RGS5: variants seen among roughly 807,000 people sequenced by gnomAD.
RGS5 encodes regulator of G-protein signalling 5.
RGS5 carries 20 observed loss-of-function variants against 18.9 expected under a neutral mutation model. That is an observed-to-expected ratio of 1.06 (90% CI 0.74 to 1.54). RGS5 has a LOEUF of 1.54. Among genes scored for constraint, RGS5 ranks in the 40% most tolerant of loss-of-function variants. RGS5 has a pLI of 0.00. For synonymous variants in RGS5, 57 were observed against 76.2 expected (o/e 0.75, Z 1.31); for missense variants, 201 against 211.8 (o/e 0.95, Z 0.32).
chr1:163,292,112 C>T (rs1485970849), intron 2 of RGS5, among the ~76,000 whole-genome samples: 1 of 152,086 alleles, frequency 6.6e-6, no homozygotes, highest in African/African-American at 2.4e-5. Flanking sequence ...ATCATCCCAT[C>T]ACCCAGGTAT....
At chr1:163,186,589 AAAAAAAAAG>A (rs2102422402) in intron 1 of RGS5, among the ~76,000 whole-genome samples, 1 of 139,754 alleles carries the variant, frequency 7.2e-6, no homozygotes, top group East Asian at 2.1e-4. Context: ...AAAAAAAAAA[AAAAAAAAAG>A]AAAAAGAAAA....
chr1:163,222,794 C>G (rs183126188), intron 2 of RGS5, among the ~76,000 whole-genome samples: 1 of 152,128 alleles, frequency 6.6e-6, no homozygotes, highest in South Asian at 2.1e-4. Context: ...TTCCGGCCAA[C>G]AGAACTGTAG....
Position 163,147,175 on chromosome 1 carries a change from T to C in RGS5, c.*167A>G, listed in dbSNP as rs552586478. The C allele has an allele frequency of 5.9e-5, 33 of 555,098 alleles. 1 individual carries two copies. The highest frequency in any genetic ancestry group is 9.3e-4 in the Middle Eastern group (2 of 2,152). 34.4% of individuals were successfully genotyped at this position (555,098 alleles called of 1,614,324 possible). The stretch of plus-strand genomic sequence containing the variant: ...AGAAGGCCTTCGGACAGTAGATAAG[T>C]ATCCAAAGCAGTGTGGGCAAAAAGA... On this transcript the variant is annotated 3_prime_UTR_variant, in exon 5 of 5. Transcript: ENST00000313961.
intron 1 of RGS5, among the ~76,000 whole-genome samples, chr1:163,307,415 T>C (rs1479307903): frequency 1.3e-5 from 2 of 152,174 alleles, no homozygotes; most frequent in Non-Finnish European, 2.9e-5. Context: ...GAACTTTTTT[T>C]TTTAACAGAA....
At chr1:163,148,147 G>A (rs1371478364) in intron 4 of RGS5, among the ~76,000 whole-genome samples, 3 of 151,892 alleles carry the variant, frequency 2.0e-5, no homozygotes, top group Non-Finnish European at 2.9e-5. Context: ...GGCTGGTCTC[G>A]AACTCCTGAC....
chr1:163,277,684 C>A (rs1046713154), intron 2 of RGS5, among the ~76,000 whole-genome samples: 1 of 152,124 alleles, frequency 6.6e-6, no homozygotes, highest in Non-Finnish European at 1.5e-5. Context: ...GTCTCTGGGT[C>A]TCTTCTTTGG....
At chr1:163,281,582 A>G (rs1648992609) in intron 2 of RGS5, among the ~76,000 whole-genome samples, 2 of 152,150 alleles carry the variant, frequency 1.3e-5, no homozygotes, top group African/African-American at 4.8e-5. Context: ...ATCCATCCCC[A>G]TGAGTCAACA....
intron 1 of RGS5, among the ~76,000 whole-genome samples, chr1:163,182,773 C>T (rs1658909426): frequency 6.6e-6 from 1 of 152,068 alleles, no homozygotes; most frequent in African/African-American, 2.4e-5. Context: ...GAAGGGATTC[C>T]CATGAGAGCT....
chr1:163,189,735 G>A (rs959627895), intron 1 of RGS5, among the ~76,000 whole-genome samples: 1 of 152,170 alleles, frequency 6.6e-6, no homozygotes, highest in African/African-American at 2.4e-5. Flanking sequence ...AAGGGGTCAG[G>A]GTCTCTGGGC....
intron 2 of RGS5, among the ~76,000 whole-genome samples, chr1:163,241,126 G>C (rs182153659): frequency 7.2e-4 from 109 of 152,294 alleles, no homozygotes; most frequent in African/African-American, 2.5e-3. Context: ...ATCCCCAAAG[G>C]CTAGATGTAT....
chr1:163,279,364 G>A (rs1206167014), intron 2 of RGS5, among the ~76,000 whole-genome samples: 3 of 151,676 alleles, frequency 2.0e-5, no homozygotes, highest in African/African-American at 7.3e-5. Context: ...AATAAGAAGA[G>A]GAACTCTGGA....
intron 3 of RGS5, among the ~76,000 whole-genome samples, chr1:163,158,063 T>C (rs1291270755): frequency 6.6e-6 from 1 of 152,216 alleles, no homozygotes; most frequent in Non-Finnish European, 1.5e-5. Flanking sequence ...TAATGTTGGG[T>C]AATTTCTGAT....
At chr1:163,265,386 C>T (rs1186687028) in intron 2 of RGS5, among the ~76,000 whole-genome samples, 1 of 152,104 alleles carries the variant, frequency 6.6e-6, no homozygotes, top group Non-Finnish European at 1.5e-5. Context: ...TACTTCAATG[C>T]TAATTTATTT....
At chr1:163,262,102 A>T (rs1648457168) in intron 2 of RGS5, among the ~76,000 whole-genome samples, 2 of 151,204 alleles carry the variant, frequency 1.3e-5, no homozygotes, top group Admixed American at 1.3e-4. Context: ...TGGAATTGAG[A>T]AGCCAGTCTA....
Position 163,152,648 on chromosome 1 carries a change from C to A in RGS5, c.286G>T (p.Ala96Ser). The change falls in exon 4 of 5, where the codon GCC becomes TCC. Residue 96 changes from alanine to serine, a missense_variant. Coordinates refer to ENST00000313961, the MANE Select transcript of RGS5 (RefSeq NM_003617.4). ...TTGATCTTCTTGTAATCCTCACAGG[C>A]AATCCAGAACTCAAGGTTTTCCTCA... is the stretch of plus-strand genomic sequence containing the variant. ...FSEENLEFWI[A>S]CEDYKKIKSP... 2.5e-6 allele frequency: 4 copies of A among 1,612,656 alleles called. No individual in the cohort carries two copies. Among genetic ancestry groups the A allele is most frequent in the Non-Finnish European group, 2.5e-6 (3 of 1,179,250 alleles).
At chr1:163,149,320 A>C (rs572662105) in intron 4 of RGS5, among the ~76,000 whole-genome samples, 1 of 152,324 alleles carries the variant, frequency 6.6e-6, no homozygotes, top group Admixed American at 6.5e-5. Flanking sequence ...TCTTCCCGCC[A>C]CACTGAAAGC....
intron 1 of RGS5, among the ~76,000 whole-genome samples, chr1:163,208,277 G>A (rs1264808230): frequency 2.0e-5 from 3 of 147,836 alleles, no homozygotes; most frequent in Middle Eastern, 6.9e-3. Flanking sequence ...GAACCCGGGA[G>A]GCGGAGCTTG....
At chr1:163,178,303 C>T (rs1658654214) in intron 1 of RGS5, among the ~76,000 whole-genome samples, 1 of 151,784 alleles carries the variant, frequency 6.6e-6, no homozygotes, top group African/African-American at 2.4e-5. Flanking sequence ...AAAAGGGAGA[C>T]TCTGTCTCAA....
chr1:163,245,424 T>C (rs75798011), intron 2 of RGS5, among the ~76,000 whole-genome samples: 7,561 of 152,326 alleles, frequency 0.05, 222 homozygotes, highest in South Asian at 0.094. Flanking sequence ...ATCTATATTT[T>C]TTCTTTGTAA....
Sources: allele counts gnomAD v4.1 joint callset (sites outside exome capture counted in the v4.1 genomes callset), GRCh38; gene constraint gnomAD v4.1.1; transcripts MANE v1.5; gene names NCBI Gene and HGNC (gene_info 2026-07-23, HGNC 2026-07-21).